The following CPZ variants were observed in gnomAD, a reference collection of about 807,000 sequenced individuals.
CPZ encodes carboxypeptidase Z, also known as VEZT/CPZ fusion.
In CPZ, 103 loss-of-function variants were observed where a neutral mutation model predicts 61.8. The observed-to-expected ratio is 1.67, with a 90% CI of 1.42 to 1.96. CPZ has a LOEUF of 1.96. CPZ is among the 30% of genes most tolerant of loss of function. The pLI, the probability that CPZ is intolerant of heterozygous loss-of-function variation, is 0.00. For synonymous variants in CPZ, 551 were observed against 373.7 expected (o/e 1.47, Z -5.47); for missense variants, 1,461 against 914.9 (o/e 1.60, Z -7.70).
At chr4:8,611,118 C>G (rs142534019) in intron 7 of CPZ, 6,346 of 424,014 alleles carry the variant, frequency 0.015, 85 homozygotes, top group South Asian at 0.025. Context: ...TCACTGGGCC[C>G]TGCCTGTCCA....
At chr4:8,611,041 T>C (rs1715618669) in intron 7 of CPZ, 1 of 367,866 alleles carries the variant, frequency 2.7e-6, no homozygotes, top group Admixed American at 3.0e-5. Context: ...CTCTTTCACT[T>C]GCTCACGCAT....
rs747606467 is a variant in CPZ, at chr4:8,605,967, A to G, written c.710-22A>G. The G allele has an allele frequency of 8.7e-6, 14 of 1,604,432 alleles. 1 individual carries two copies. The South Asian group carries it at 1.5e-4, about 18-fold the overall frequency. Reference sequence around the variant, plus strand: ...ACCCCCGGCTTTGAGATGATGCCCCAAGTCTCTGTATTTGCCCCCAGTGGA... The same window carrying G: ...ACCCCCGGCTTTGAGATGATGCCCCGAGTCTCTGTATTTGCCCCCAGTGGA... On this transcript the variant is annotated intron_variant, in intron 4 of 10. Coordinates refer to ENST00000360986, the MANE Select transcript of CPZ (RefSeq NM_001014447.3).
At chr4:8,600,692 C>A (rs376952581) in intron 2 of CPZ, among the ~76,000 whole-genome samples, 45 of 152,374 alleles carry the variant, frequency 3.0e-4, no homozygotes, top group East Asian at 1.4e-3. Flanking sequence ...TGAGCCCCAA[C>A]TGACCCATTA....
At position 8,618,513 on chromosome 4, in the gene CPZ, C is replaced by A; in HGVS notation, c.1588C>A (p.His530Asn). 6.2e-7 allele frequency: 1 copy of A among 1,613,898 alleles called. No homozygotes were observed. Among genetic ancestry groups the A allele is most frequent in the Non-Finnish European group, 8.5e-7 (1 of 1,180,024 alleles). The change falls in exon 10 of 11, where the codon CAC becomes AAC. Residue 530 changes from histidine (H) to asparagine (N), a missense_variant. His to Asn is a moderately conservative substitution (Grantham distance 68, BLOSUM62 1). Coordinates refer to ENST00000360986, the MANE Select transcript of CPZ (RefSeq NM_001014447.3). ...CCGGATCTCAGTCAAAGGCATTCGC[C>A]ACGACATCACCACAGGTGAGCACGT... ...NARISVKGIR[H>N]DITTAPDGDY...
intron 1 of CPZ, among the ~76,000 whole-genome samples, chr4:8,593,929 G>A (rs1713982560): frequency 6.6e-6 from 1 of 152,188 alleles, no homozygotes; most frequent in Non-Finnish European, 1.5e-5. Context: ...GCTGGAGCTT[G>A]TGCCGTGTTG....
chr4:8,605,223 G>A (rs6852340), intron 4 of CPZ, among the ~76,000 whole-genome samples: 28,061 of 152,226 alleles, frequency 0.18, 3,645 homozygotes, highest in African/African-American at 0.37. Flanking sequence ...AGGGGAGCAA[G>A]TGCGAGGCTT....
chr4:8,594,418 C>A (rs529669464), intron 1 of CPZ, among the ~76,000 whole-genome samples: 1 of 152,340 alleles, frequency 6.6e-6, no homozygotes, highest in African/African-American at 2.4e-5. Flanking sequence ...TCACTGGAGC[C>A]TGGGGACGGA....
rs1169233009 is a variant in CPZ at position 8,592,822 on chromosome 4, C to A, written c.-12C>A. On this transcript the variant is annotated 5_prime_UTR_variant, in exon 1 of 11. Coordinates refer to ENST00000360986, the MANE Select transcript of CPZ (RefSeq NM_001014447.3). Reference sequence around the variant, plus strand: ...ATCACTGCGCTGGCCGTCCAAGGTCCGCCGCCCCACCATGCCGCCCCCGCT... The same window carrying A: ...ATCACTGCGCTGGCCGTCCAAGGTCAGCCGCCCCACCATGCCGCCCCCGCT... 2.8e-6 allele frequency: 4 copies of A among 1,452,218 alleles called. No homozygotes were observed. The Admixed American group carries it at 7.6e-5, about 28-fold the overall frequency. 90.0% of individuals were successfully genotyped at this position (1,452,218 alleles called of 1,614,324 possible).
chr4:8,619,450 A>G lies in CPZ; in HGVS notation c.1792A>G (p.Thr598Ala). The G allele has an allele frequency of 6.2e-6, 10 of 1,612,960 alleles. No individual in the cohort carries two copies. The highest frequency in any genetic ancestry group is 8.5e-6 in the Non-Finnish European group (10 of 1,179,294). The part of the protein sequence containing the change: ...PKNFIHGLRR[T>A]GPHDPLGGAS... Reference sequence around the variant, plus strand: ...GAACTTTATTCATGGGCTGCGGAGGACTGGGCCCCACGACCCACTGGGAGG... The same window carrying G: ...GAACTTTATTCATGGGCTGCGGAGGGCTGGGCCCCACGACCCACTGGGAGG... The change falls in exon 11 of 11, where the codon ACT becomes GCT. Residue 598 changes from threonine to alanine, a missense_variant. Physicochemically the swap from Thr to Ala is moderately conservative, Grantham distance 58. Coordinates refer to ENST00000360986, the MANE Select transcript of CPZ (RefSeq NM_001014447.3).
intron 3 of CPZ, chr4:8,603,549 C>G (rs560185997): frequency 1.0e-5 from 2 of 190,790 alleles, no homozygotes; most frequent in Admixed American, 5.8e-5. Flanking sequence ...CTGTTTCCAC[C>G]ATTAGCCAAG....
chr4:8,603,228 G>C (rs1237301569), intron 3 of CPZ: 1 of 152,438 alleles, frequency 6.6e-6, no homozygotes, highest in Admixed American at 6.5e-5. Context: ...CTGTGGGCCT[G>C]ACTGCTGCAA....
At chr4:8,600,940 C>T (rs555293451) in intron 2 of CPZ, 183 bp from the exon 3 acceptor site, 139 of 1,351,256 alleles carry the variant, frequency 1.0e-4, no homozygotes, top group Middle Eastern at 8.2e-4. Flanking sequence ...TTAGGCTCCT[C>T]CTCTGGTCTC....
At chr4:8,599,658 CAAAA>C in intron 2 of CPZ, 173 bp downstream of exon 2, 1 of 1,433,794 alleles carries the variant, frequency 7.0e-7, no homozygotes. Context: ...TTAGACATAA[CAAAA>C]AAAGACCAGC....
Position 8,618,420 on chromosome 4 carries a change from T to C in CPZ, c.1504-9T>C. On this transcript the variant is annotated splice_polypyrimidine_tract_variant and intron_variant, in intron 9 of 10. Transcript: ENST00000360986. ...CGCCATCTCCCTGGCCTCCCCTTGG[T>C]CTCTTCAGGTGCACCGGGGCATCAA... 6.2e-7 allele frequency: 1 copy of C among 1,613,934 alleles called. No homozygotes were observed. Among genetic ancestry groups the C allele is most frequent in the South Asian group, 1.1e-5 (1 of 91,074 alleles).
chr4:8,605,962 GC>G (rs768239237), intron 4 of CPZ, 26 bp from the exon 5 acceptor site: 2 of 1,598,268 alleles, frequency 1.3e-6, no homozygotes, highest in Non-Finnish European at 1.7e-6. Flanking sequence ...TTGAGATGAT[GC>G]CCCAAGTCTC....
At chr4:8,611,039 C>T (rs1451556675) in intron 7 of CPZ, 7 of 367,744 alleles carry the variant, frequency 1.9e-5, no homozygotes, top group Non-Finnish European at 3.9e-5. Context: ...CACTCTTTCA[C>T]TTGCTCACGC....
rs116550932 is a variant in CPZ at position 8,616,047 on chromosome 4, G to A, written c.1503+1549G>A. On this transcript the variant is annotated intron_variant, in intron 9 of 10. Coordinates refer to ENST00000360986, the MANE Select transcript of CPZ (RefSeq NM_001014447.3). ...TGAACATGAGGTTGAAGGAGCCTCG[G>A]ATGTGGCTGGCATTGCTCCTGGATA... Among the ~76,000 whole-genome samples, 333 of 152,304 alleles carry A rather than the reference G, an allele frequency of 2.2e-3. 4 individuals carry two copies. The highest frequency in any genetic ancestry group is 7.6e-3 in the African/African-American group (316 of 41,576).
rs1577127325 is a variant in CPZ, at chr4:8,614,401, T to A, written c.1406T>A (p.Ile469Asn). 1 of 1,613,986 alleles carries A rather than the reference T, an allele frequency of 6.2e-7. No homozygotes were observed. Among genetic ancestry groups the A allele is most frequent in the African/African-American group, 1.3e-5 (1 of 75,052 alleles). The change falls in exon 9 of 11, where the codon ATC (isoleucine) becomes AAC (asparagine). Residue 469 changes from isoleucine (I) to asparagine (N), a missense_variant. Coordinates refer to ENST00000360986, the MANE Select transcript of CPZ (RefSeq NM_001014447.3). ...FNYLHTNCFE[I>N]TVELGCVKFP... ...TACCTGCACACCAACTGCTTTGAGA[T>A]CACGGTAGAGCTGGGCTGTGTGAAG...
chr4:8,610,549 G>C (rs571989406), intron 7 of CPZ, among the ~76,000 whole-genome samples: 1 of 150,082 alleles, frequency 6.7e-6, no homozygotes, highest in South Asian at 2.1e-4. Context: ...TACCCCCCGA[G>C]GCTACACCCT....
Sources: allele counts gnomAD v4.1 joint callset (sites outside exome capture counted in the v4.1 genomes callset), GRCh38; gene constraint gnomAD v4.1.1; transcripts MANE v1.5; gene names NCBI Gene and HGNC (gene_info 2026-07-23, HGNC 2026-07-21).